Variants in TRPC1 observed in about 807,000 individuals in gnomAD.
TRPC1 encodes the protein transient receptor potential cation channel subfamily C member 1.
In TRPC1, 42 loss-of-function variants were observed where a neutral mutation model predicts 88.2. The observed-to-expected ratio is 0.48, with a 90% CI of 0.37 to 0.62. The LOEUF (loss-of-function observed/expected upper bound fraction) is 0.62. Among genes scored for constraint, TRPC1 ranks in the 20% least tolerant of loss-of-function variants. The pLI, the probability that TRPC1 is intolerant of heterozygous loss-of-function variation, is 0.00. For synonymous variants in TRPC1, 288 were observed against 331.8 expected (o/e 0.87, Z 1.43); for missense variants, 699 against 957.3 (o/e 0.73, Z 3.56).
intron 6 of TRPC1, among the ~76,000 whole-genome samples, chr3:142,783,300 G>A (rs925696853): frequency 3.9e-5 from 6 of 152,128 alleles, no homozygotes; most frequent in Admixed American, 1.3e-4. Flanking sequence ...ATTGGTGAGA[G>A]GAAAAGCTGT....
chr3:142,785,113 T>C (rs1180614979), intron 7 of TRPC1, 73 bp downstream of exon 7: 2 of 1,374,000 alleles, frequency 1.5e-6, no homozygotes, highest in Non-Finnish European at 1.9e-6. Context: ...GATGGCATTG[T>C]GAATATTGGG....
chr3:142,729,604 G>A (rs1364629445), intron 1 of TRPC1, among the ~76,000 whole-genome samples: 3 of 152,134 alleles, frequency 2.0e-5, no homozygotes. Flanking sequence ...GCTATACCTT[G>A]TATATAGACT....
chr3:142,736,462 A>C lies in TRPC1; in HGVS notation c.256A>C (p.Asn86His), dbSNP rs758528510. The C allele has an allele frequency of 9.3e-6, 15 of 1,612,748 alleles. No individual in the cohort carries two copies. The Admixed American group carries it at 2.0e-4, about 22-fold the overall frequency. Residue 86 changes from asparagine (N) to histidine (H), a missense_variant, in exon 2 of 13, where the codon AAT becomes CAT. By Grantham distance (68) the Asn-to-His change is moderately conservative (BLOSUM62 1). This residue lies in a region of TRPC1 where 157 missense variants were observed against 127.0 expected (regional missense o/e 1.24). Transcript: ENST00000476941. Reference sequence around the variant, plus strand: ...AAATTGCGTAGATGTGCTTGGGAGAAATGCTGTTACCATAACTATTGAAAA... The same window carrying C: ...AAATTGCGTAGATGTGCTTGGGAGACATGCTGTTACCATAACTATTGAAAA... The part of the protein sequence containing the change: ...NINCVDVLGR[N>H]AVTITIENEN...
At chr3:142,752,268 G>C (rs1329277382) in intron 4 of TRPC1, among the ~76,000 whole-genome samples, 1 of 152,266 alleles carries the variant, frequency 6.6e-6, no homozygotes, top group Non-Finnish European at 1.5e-5. Flanking sequence ...AATGTAGTAG[G>C]AGAGCAGGGT....
At chr3:142,802,609 C>A (rs1276130913) in intron 10 of TRPC1, among the ~76,000 whole-genome samples, 1 of 152,046 alleles carries the variant, frequency 6.6e-6, no homozygotes, top group Admixed American at 6.6e-5. Flanking sequence ...TTTGTGTGTT[C>A]TTAGCATTTT....
chr3:142,770,128 C>T (rs1407742805), intron 4 of TRPC1, among the ~76,000 whole-genome samples: 107 of 119,388 alleles, frequency 9.0e-4, no homozygotes, highest in African/African-American at 3.3e-3. Flanking sequence ...GACAGAGTCT[C>T]ACTCTGTCAC....
rs772789949 is a variant in TRPC1, at chr3:142,785,038, T to C, written c.1295T>C (p.Ile432Thr). The change falls in exon 7 of 13, where the codon ATT becomes ACT. Residue 432 changes from isoleucine to threonine, a missense_variant and splice_region_variant. By Grantham distance (89) the Ile-to-Thr change is moderately conservative. Coordinates refer to ENST00000476941, the MANE Select transcript of TRPC1 (RefSeq NM_001251845.2). ...GACTATCTTCTTATTCTGTGGATTA[T>C]TGGTAAGTATCAAGTTAGTTTGAAA... is the stretch of plus-strand genomic sequence containing the variant. ...RIDYLLILWI[I>T]GMIWSDIKRL... 43 of 1,591,460 alleles carry C rather than the reference T, an allele frequency of 2.7e-5. No individual in the cohort carries two copies. The highest frequency in any genetic ancestry group is 3.4e-4 in the Middle Eastern group (2 of 5,822).
chr3:142,758,293 A>G (rs1371354073), intron 4 of TRPC1, among the ~76,000 whole-genome samples: 1 of 152,048 alleles, frequency 6.6e-6, no homozygotes, highest in Non-Finnish European at 1.5e-5. Flanking sequence ...CTTTGCTTGC[A>G]TTTGTTATTG....
intron 12 of TRPC1, among the ~76,000 whole-genome samples, chr3:142,805,299 T>G (rs1174186907): frequency 6.6e-6 from 1 of 152,138 alleles, no homozygotes; most frequent in East Asian, 1.9e-4. Context: ...TCTGTCACTG[T>G]AGCTAAAGAA....
intron 6 of TRPC1, among the ~76,000 whole-genome samples, chr3:142,783,206 C>G (rs898016642): frequency 2.0e-5 from 3 of 152,134 alleles, no homozygotes; most frequent in African/African-American, 7.2e-5. Flanking sequence ...AGAGGGATAG[C>G]AAGGACAGTA....
chr3:142,773,289 T>C (rs1356867305), intron 4 of TRPC1, among the ~76,000 whole-genome samples: 1 of 152,034 alleles, frequency 6.6e-6, no homozygotes, highest in Non-Finnish European at 1.5e-5. Flanking sequence ...CTCAGCTCAC[T>C]GCAACCTTCA....
At chr3:142,762,678 C>T (rs1312029676) in intron 4 of TRPC1, among the ~76,000 whole-genome samples, 4 of 152,030 alleles carry the variant, frequency 2.6e-5, no homozygotes, top group East Asian at 1.9e-4. Context: ...ATCCTCCTAT[C>T]GTGGCCTCCC....
At chr3:142,757,118 T>C (rs1413606611) in intron 4 of TRPC1, among the ~76,000 whole-genome samples, 1 of 152,170 alleles carries the variant, frequency 6.6e-6, no homozygotes, top group Non-Finnish European at 1.5e-5. Context: ...TAAAATCCAT[T>C]CATCCATTGA....
intron 2 of TRPC1, among the ~76,000 whole-genome samples, chr3:142,737,005 T>A (rs1934161709): frequency 6.6e-6 from 1 of 152,112 alleles, no homozygotes; most frequent in Admixed American, 6.5e-5. Context: ...TTTTTTTGTT[T>A]GAAACTTAAT....
At position 142,806,279 on chromosome 3, in the gene TRPC1, C is replaced by A; in HGVS notation, c.*44C>A. 6.8e-7 allele frequency: 1 copy of A among 1,461,584 alleles called. No individual in the cohort carries two copies. Among genetic ancestry groups the A allele is most frequent in the Non-Finnish European group, 9.4e-7 (1 of 1,060,638 alleles). The allele number at this position is 1,461,584 out of a possible 1,614,324, so 90.5% of individuals were successfully genotyped here. A position where few individuals can be genotyped will look rare whatever the true frequency, so the allele number is the denominator to read the frequency against. On this transcript the variant is annotated 3_prime_UTR_variant, in exon 13 of 13. Coordinates refer to ENST00000476941, the MANE Select transcript of TRPC1 (RefSeq NM_001251845.2). ...AGCGAATAATTTTCAATAACAGATC[C>A]AAAAGACTATATTGCATAACTTGCA...
At chr3:142,744,092 C>A (rs961235620) in intron 3 of TRPC1, among the ~76,000 whole-genome samples, 1 of 151,890 alleles carries the variant, frequency 6.6e-6, no homozygotes, top group Non-Finnish European at 1.5e-5. Flanking sequence ...ATATTTGCAG[C>A]ATATATCATA....
chr3:142,744,522 T>C (rs1934470328), intron 3 of TRPC1, among the ~76,000 whole-genome samples: 1 of 152,120 alleles, frequency 6.6e-6, no homozygotes. Context: ...ATATAAATGA[T>C]TACATATATG....
chr3:142,758,449 C>T (rs1264497168), intron 4 of TRPC1, among the ~76,000 whole-genome samples: 1 of 152,146 alleles, frequency 6.6e-6, no homozygotes, highest in Non-Finnish European at 1.5e-5. Flanking sequence ...AAGAAATATC[C>T]ATTCAGATCT....
At chr3:142,749,569 GT>G (rs1230182730) in intron 4 of TRPC1, among the ~76,000 whole-genome samples, 9 of 152,160 alleles carry the variant, frequency 5.9e-5, no homozygotes, top group African/African-American at 2.2e-4. Context: ...TAATGTGTAT[GT>G]TTGTGTCTTA....
Sources: allele counts gnomAD v4.1 joint callset (sites outside exome capture counted in the v4.1 genomes callset), GRCh38; gene constraint gnomAD v4.1.1; regional missense constraint gnomAD v4.1.1; transcripts MANE v1.5; gene names NCBI Gene and HGNC (gene_info 2026-07-23, HGNC 2026-07-21).